Variants in LDHA observed in about 807,000 individuals in gnomAD.
LDHA encodes the protein lactate dehydrogenase A.
Under a neutral mutation model 36.3 loss-of-function variants are expected in LDHA, and 10 were observed. That is an observed-to-expected ratio of 0.28 (90% confidence interval 0.17 to 0.47). The LOEUF (loss-of-function observed/expected upper bound fraction) is 0.47, where lower values mean the gene tolerates loss of function less well. Among genes scored for constraint, LDHA ranks in the 20% least tolerant of loss-of-function variants. The pLI is 0.99. For missense variants in LDHA, 267 were observed against 405.8 expected, an observed-to-expected ratio of 0.66 and a Z score of 2.94; for synonymous variants, 110 against 136.7, an observed-to-expected ratio of 0.80 and a Z score of 1.36.
intron 2 of LDHA, chr11:18,399,161 G>A (rs1866394063): frequency 1.1e-5 from 5 of 440,790 alleles, no homozygotes; most frequent in Non-Finnish European, 2.1e-5. Flanking sequence ...TGCCAGTCCA[G>A]TGTTCTGCTT....
At chr11:18,401,473 C>CTTTTTTTTTTTTTTTTT (rs58157049) in intron 4 of LDHA, among the ~76,000 whole-genome samples, 4 of 68,588 alleles carry the variant, frequency 5.8e-5, no homozygotes, top group Non-Finnish European at 1.0e-4. Flanking sequence ...ATTTATTTTT[C>CTTTTTTTTTTTTTTTTT]TTTTTTTTTT....
chr11:18,407,462 C>T lies in LDHA; in HGVS notation c.*181C>T. On this transcript the variant is annotated 3_prime_UTR_variant, in exon 8 of 8. Transcript: ENST00000422447. ...TGGTTTGTAAAATCCACAGCTATAT[C>T]CTGATGCTGGATGGTATTAATCTTG... 3 of 1,223,136 alleles carry T rather than the reference C, an allele frequency of 2.5e-6. No individual in the cohort carries two copies. Among genetic ancestry groups the T allele is most frequent in the Non-Finnish European group, 3.5e-6 (3 of 851,560 alleles). The allele number at this position is 1,223,136 out of a possible 1,614,324, so 75.8% of individuals were successfully genotyped here. A position where few individuals can be genotyped will look rare whatever the true frequency, so the allele number is the denominator to read the frequency against.
intron 5 of LDHA, 32 bp from the exon 6 acceptor site, chr11:18,403,662 A>G: frequency 8.0e-7 from 1 of 1,249,850 alleles, no homozygotes; most frequent in Non-Finnish European, 1.2e-6. Flanking sequence ...TTGGTACATG[A>G]AAATAAATGT....
chr11:18,403,690 T>C lies in LDHA; in HGVS notation c.593-4T>C. 2.7e-6 allele frequency: 4 copies of C among 1,506,386 alleles called. No homozygotes were observed. The highest frequency in any genetic ancestry group is 3.7e-6 in the Non-Finnish European group (4 of 1,082,038). 93.3% of individuals were successfully genotyped at this position (1,506,386 alleles called of 1,614,324 possible). A position where few individuals can be genotyped will look rare whatever the true frequency, so the allele number is the denominator to read the frequency against. ...ATAAATGTAGTCTGTACTATTTCTT[T>C]TAGTGCCTGTATGGAGTGGAATGAA... On this transcript the variant is annotated splice_polypyrimidine_tract_variant and splice_region_variant and intron_variant, in intron 5 of 7. Coordinates refer to ENST00000422447, the MANE Select transcript of LDHA (RefSeq NM_005566.4).
intron 1 of LDHA, chr11:18,394,862 C>G: frequency 2.8e-6 from 1 of 353,798 alleles, no homozygotes; most frequent in South Asian, 2.1e-5. Flanking sequence ...ACCATGGCTT[C>G]TGGCCACGCT....
chr11:18,399,198 T>A (rs1464454205), intron 2 of LDHA: 7 of 495,952 alleles, frequency 1.4e-5, no homozygotes, highest in Non-Finnish European at 2.6e-5. Flanking sequence ...GGAACTCCTA[T>A]AGAGCTCGCT....
At chr11:18,397,956 T>TA (rs1412637732) in intron 2 of LDHA, among the ~76,000 whole-genome samples, 1 of 152,222 alleles carries the variant, frequency 6.6e-6, no homozygotes, top group Non-Finnish European at 1.5e-5. Flanking sequence ...CAGGTGACTC[T>TA]ACATATGTTC....
intron 3 of LDHA, chr11:18,400,429 CCACACACACACACACACACA>C (rs6144241): frequency 1.4e-4 from 41 of 287,600 alleles, no homozygotes; most frequent in African/African-American, 4.3e-4. Context: ...ACCACCACCA[CCACACACACACACACACACA>C]CACACACACA....
rs189063205 is a variant in LDHA at position 18,408,043 on chromosome 11, T to G, written c.*762T>G. On this transcript the variant is annotated 3_prime_UTR_variant, in exon 8 of 8. Coordinates refer to ENST00000422447, the MANE Select transcript of LDHA (RefSeq NM_005566.4). ...CACTTCCATTGTAAGTCCCAAAGTA[T>G]TATATATTTGATAATAATGCTAATC... 5.0e-4 allele frequency: 226 copies of G among 452,832 alleles called. 1 individual carries two copies. The Middle Eastern group carries it at 7.6e-3, about 15-fold the overall frequency. The allele number at this position is 452,832 out of a possible 1,614,324, so 28.1% of individuals were successfully genotyped here. A position where few individuals can be genotyped will look rare whatever the true frequency, so the allele number is the denominator to read the frequency against.
chr11:18,405,694 C>A, intron 7 of LDHA, 122 bp downstream of exon 7: 3 of 1,102,264 alleles, frequency 2.7e-6, no homozygotes, highest in South Asian at 2.5e-5. Flanking sequence ...AATTAATGTA[C>A]CCACAGCTTA....
intron 1 of LDHA, chr11:18,395,321 A>G (rs2249631): frequency 0.63 from 97,148 of 152,994 alleles, 32,402 homozygotes; most frequent in South Asian, 0.75. Flanking sequence ...TTTAACAAAT[A>G]GGGAGACCGA....
intron 6 of LDHA, among the ~76,000 whole-genome samples, chr11:18,404,512 TAAA>T (rs1184786043): frequency 1.3e-5 from 2 of 152,098 alleles, no homozygotes; most frequent in East Asian, 3.9e-4. Context: ...TCTATAGAAT[TAAA>T]AAATGAATCA....
Position 18,407,188 on chromosome 11 carries a change from C to T in LDHA, c.906C>T (p.Asp302=). Residue 302 remains aspartate (D), a synonymous_variant, in exon 8 of 8, where the codon GAC becomes GAT. Coordinates refer to ENST00000422447, the MANE Select transcript of LDHA (RefSeq NM_005566.4). ...PCILGQNGIS[D]LVKVTLTSEE... ...TTTTGGGACAGAATGGAATCTCAGA[C>T]CTTGTGAAGGTGACTCTGACTTCTG... The T allele has an allele frequency of 1.9e-6, 3 of 1,612,842 alleles. No homozygotes were observed. Among genetic ancestry groups the T allele is most frequent in the Non-Finnish European group, 2.5e-6 (3 of 1,179,478 alleles).
chr11:18,395,074 A>G (rs1334085237), intron 1 of LDHA: 3 of 205,198 alleles, frequency 1.5e-5, no homozygotes, highest in South Asian at 6.6e-5. Context: ...AAAGACGGAA[A>G]GCGGCTGAGT....
intron 7 of LDHA, 133 bp from the exon 8 acceptor site, chr11:18,406,984 C>T (rs763708091): frequency 5.7e-5 from 39 of 689,098 alleles, no homozygotes; most frequent in Admixed American, 5.2e-4. Context: ...CCAGCCTGGG[C>T]GACAGAGCGA....
chr11:18,407,440 T>A lies in LDHA; in HGVS notation c.*159T>A. 3 of 1,438,806 alleles carry A rather than the reference T, an allele frequency of 2.1e-6. No individual in the cohort carries two copies. The highest frequency in any genetic ancestry group is 2.9e-6 in the Non-Finnish European group (3 of 1,045,408). The allele number at this position is 1,438,806 out of a possible 1,614,324, so 89.1% of individuals were successfully genotyped here. A position where few individuals can be genotyped will look rare whatever the true frequency, so the allele number is the denominator to read the frequency against. ...CTCCTGAAGTTAGAAATAAGAATGG[T>A]TTGTAAAATCCACAGCTATATCCTG... is the stretch of plus-strand genomic sequence containing the variant. On this transcript the variant is annotated 3_prime_UTR_variant, in exon 8 of 8. Transcript: ENST00000422447.
chr11:18,404,164 C>T (rs998218339), intron 6 of LDHA, among the ~76,000 whole-genome samples: 1 of 152,112 alleles, frequency 6.6e-6, no homozygotes, highest in Non-Finnish European at 1.5e-5. Context: ...TGTGCCTCAC[C>T]TTGCAAGGCC....
rs1430822822 is a variant in LDHA, at chr11:18,403,830, T to C, written c.710+19T>C. The stretch of plus-strand genomic sequence containing the variant: ...TTGAGAGGTAATAAATCTTTCAATT[T>C]GGCAACACAGAATATTAACATTTAC... On this transcript the variant is annotated intron_variant, in intron 6 of 7. Transcript: ENST00000422447. 9.3e-6 allele frequency: 12 copies of C among 1,287,586 alleles called. No homozygotes were observed. The highest frequency in any genetic ancestry group is 1.4e-5 in the Non-Finnish European group (12 of 882,382). The allele number at this position is 1,287,586 out of a possible 1,614,324, so 79.8% of individuals were successfully genotyped here.
intron 7 of LDHA, among the ~76,000 whole-genome samples, chr11:18,406,304 A>G (rs1420414647): frequency 1.3e-5 from 2 of 151,440 alleles, no homozygotes; most frequent in African/African-American, 4.8e-5. Flanking sequence ...GGCCACACAC[A>G]GTGACTGACA....
Sources: allele counts gnomAD v4.1 joint callset (sites outside exome capture counted in the v4.1 genomes callset), GRCh38; gene constraint gnomAD v4.1.1; transcripts MANE v1.5; gene names NCBI Gene and HGNC (gene_info 2026-07-23, HGNC 2026-07-21).